PKNOX2: variants seen among roughly 807,000 people sequenced by gnomAD.
The protein encoded by PKNOX2 is PBX/knotted 1 homeobox 2, also known as homeobox protein PKNOX2.
Under a neutral mutation model 53.1 loss-of-function variants are expected in PKNOX2, and 14 were observed. That is an observed-to-expected ratio of 0.26 (90% CI 0.17 to 0.41). The LOEUF (loss-of-function observed/expected upper bound fraction) is 0.41. PKNOX2 is among the 10% of genes least tolerant of loss of function. The pLI is 1.00. For missense variants in PKNOX2, 496 were observed against 602.8 expected, an observed-to-expected ratio of 0.82 and a Z score of 1.85; for synonymous variants, 257 against 242.8, an observed-to-expected ratio of 1.06 and a Z score of -0.54.
At chr11:125,235,645 C>A (rs1384103866) in intron 2 of PKNOX2, among the ~76,000 whole-genome samples, 1 of 152,248 alleles carries the variant, frequency 6.6e-6, no homozygotes, top group Non-Finnish European at 1.5e-5. Context: ...TGGTTCTCCC[C>A]ACTTGGCAAA....
intron 3 of PKNOX2, among the ~76,000 whole-genome samples, chr11:125,345,148 T>A (rs1950902295): frequency 6.6e-6 from 1 of 152,086 alleles, no homozygotes; most frequent in African/African-American, 2.4e-5. Flanking sequence ...GCACCCACAG[T>A]CCCTGGGGTG....
At chr11:125,329,353 G>C (rs1470908729) in intron 2 of PKNOX2, among the ~76,000 whole-genome samples, 1 of 152,014 alleles carries the variant, frequency 6.6e-6, no homozygotes, top group East Asian at 1.9e-4. Flanking sequence ...CCTCTTATTT[G>C]TCTATTTTTT....
intron 2 of PKNOX2, among the ~76,000 whole-genome samples, chr11:125,237,704 A>G (rs1942826283): frequency 6.6e-6 from 1 of 152,196 alleles, no homozygotes; most frequent in African/African-American, 2.4e-5. Context: ...TGGGCAGGCC[A>G]TGCTGGTGTT....
chr11:125,389,272 T>G (rs777037719), intron 6 of PKNOX2, among the ~76,000 whole-genome samples: 21 of 152,188 alleles, frequency 1.4e-4, no homozygotes, highest in Admixed American at 1.1e-3. Flanking sequence ...GGATATAAGT[T>G]CACAGAAGGA....
chr11:125,240,638 C>T lies in PKNOX2; in HGVS notation c.-130+5523C>T, dbSNP rs1943074728. Among the ~76,000 whole-genome samples, 1 of 152,142 alleles carries T rather than the reference C, an allele frequency of 6.6e-6. No homozygotes were observed. The highest frequency in any genetic ancestry group is 1.5e-5 in the Non-Finnish European group (1 of 68,036). ...ATCCTTGTCCAGCCTGAAAGGATTT[C>T]CCTCTTTTTTCTTTCTCTGTGGTGC... On this transcript the variant is annotated intron_variant, in intron 2 of 12. Coordinates refer to ENST00000298282, the MANE Select transcript of PKNOX2 (RefSeq NM_001382323.2). This position sits in a 1 kb window ranked among gnomAD's most constrained non-coding sequence, Gnocchi z 4.3.
chr11:125,188,102 C>G (rs995878534), intron 1 of PKNOX2: 6 of 152,118 alleles, frequency 3.9e-5, no homozygotes, highest in Non-Finnish European at 8.8e-5. Flanking sequence ...TTATTAACAC[C>G]CCCATTTTAG....
intron 2 of PKNOX2, among the ~76,000 whole-genome samples, chr11:125,318,853 T>C (rs1408610646): frequency 6.6e-6 from 1 of 152,198 alleles, no homozygotes; most frequent in African/African-American, 2.4e-5. Context: ...TCATGAGATC[T>C]GATGGTTTAT....
intron 1 of PKNOX2, among the ~76,000 whole-genome samples, chr11:125,204,381 T>A (rs924187413): frequency 6.6e-6 from 1 of 152,188 alleles, no homozygotes; most frequent in Non-Finnish European, 1.5e-5. Flanking sequence ...TGAGATTCTG[T>A]GTTGAACAGG....
intron 1 of PKNOX2, among the ~76,000 whole-genome samples, chr11:125,181,819 C>T (rs1185777674): frequency 6.6e-6 from 1 of 152,182 alleles, no homozygotes; most frequent in African/African-American, 2.4e-5. Context: ...GCCAGTAACC[C>T]CATGCTATGG....
chr11:125,331,917 AC>A lies in PKNOX2; in HGVS notation c.-28del, dbSNP rs1160640683. 6.6e-6 allele frequency: 1 copy of A among 152,174 alleles called. No individual in the cohort carries two copies. The highest frequency in any genetic ancestry group is 1.5e-5 in the Non-Finnish European group (1 of 68,046). 9.4% of individuals were successfully genotyped at this position (152,174 alleles called of 1,614,324 possible). A position where few individuals can be genotyped will look rare whatever the true frequency, so the allele number is the denominator to read the frequency against. ...GGACCATCTCAGAGGCCCCGGGATC[AC>A]CCGAACAGTAAGAAATGCTCTTCTG... On this transcript the variant is annotated 5_prime_UTR_variant, in exon 3 of 13. Transcript: ENST00000298282.
chr11:125,320,796 T>C (rs1949475439), intron 2 of PKNOX2, among the ~76,000 whole-genome samples: 1 of 152,160 alleles, frequency 6.6e-6, no homozygotes, highest in African/African-American at 2.4e-5. Flanking sequence ...TGCTGCCTCC[T>C]GGAGGGAGGT....
intron 7 of PKNOX2, among the ~76,000 whole-genome samples, chr11:125,403,886 C>T (rs1026049767): frequency 1.6e-4 from 24 of 152,190 alleles, no homozygotes; most frequent in African/African-American, 5.5e-4. Flanking sequence ...CTGCCAGATG[C>T]GACTCTGCAG....
chr11:125,405,805 C>T (rs557660476), intron 7 of PKNOX2, among the ~76,000 whole-genome samples: 9 of 152,210 alleles, frequency 5.9e-5, no homozygotes, highest in Middle Eastern at 3.2e-3. Context: ...AGGAGTGGGG[C>T]CGCTTCCAGG....
intron 2 of PKNOX2, among the ~76,000 whole-genome samples, chr11:125,261,647 A>G (rs1224293618): frequency 6.6e-6 from 1 of 152,192 alleles, no homozygotes; most frequent in African/African-American, 2.4e-5. Flanking sequence ...CAGGAGCACC[A>G]GTGATACTCT....
rs1035823344 is a variant in PKNOX2 at position 125,405,098 on chromosome 11, G to T, written c.589-5098G>T. 3.3e-5 allele frequency among the ~76,000 whole-genome samples: 5 copies of T among 152,136 alleles called. No homozygotes were observed. In the South Asian group the frequency reaches 1.0e-3, roughly 32 times the overall value. ...AGGTGGCTGGGGCTGGCTCCGCACT[G>T]CACCCCACTCCGGCCACCGACTCAC... is the stretch of plus-strand genomic sequence containing the variant. On this transcript the variant is annotated intron_variant, in intron 7 of 12. Transcript: ENST00000298282.
intron 2 of PKNOX2, among the ~76,000 whole-genome samples, chr11:125,242,665 G>C (rs141296092): frequency 2.4e-4 from 36 of 152,272 alleles, no homozygotes; most frequent in African/African-American, 8.4e-4. Context: ...GGCAGGGATG[G>C]GGGGAGGGCG....
chr11:125,396,173 C>T (rs1304922921), intron 6 of PKNOX2, among the ~76,000 whole-genome samples: 2 of 152,096 alleles, frequency 1.3e-5, no homozygotes, highest in Non-Finnish European at 2.9e-5. Context: ...AGGCTGGTCT[C>T]AAACTCCTGA....
At position 125,166,503 on chromosome 11, in the gene PKNOX2, G is replaced by C. The variant is rs2135157184; in HGVS notation, c.-201+1727G>C. Reference sequence around the variant, plus strand: ...GGGCAGCCTCGCGGGGCTGGGAGTGGATCTGAGGTCCCGACCCAGGCGGCT... The same window carrying C: ...GGGCAGCCTCGCGGGGCTGGGAGTGCATCTGAGGTCCCGACCCAGGCGGCT... On this transcript the variant is annotated intron_variant, in intron 1 of 12. Coordinates refer to ENST00000298282, the MANE Select transcript of PKNOX2 (RefSeq NM_001382323.2). The surrounding 1 kb of genome is among the most constrained non-coding windows in gnomAD (Gnocchi z 4.0). 6.6e-6 allele frequency among the ~76,000 whole-genome samples: 1 copy of C among 152,296 alleles called. No homozygotes were observed.
chr11:125,246,781 C>T (rs564793893), intron 2 of PKNOX2, among the ~76,000 whole-genome samples: 1 of 152,288 alleles, frequency 6.6e-6, no homozygotes, highest in South Asian at 2.1e-4. Flanking sequence ...TCCACAGCTC[C>T]TGTCTACTTT....
Sources: allele counts gnomAD v4.1 joint callset (sites outside exome capture counted in the v4.1 genomes callset), GRCh38; gene constraint gnomAD v4.1.1; non-coding constraint Gnocchi (gnomAD v3.1); transcripts MANE v1.5; gene names NCBI Gene and HGNC (gene_info 2026-07-23, HGNC 2026-07-21).